CLSTN2: variants seen among roughly 807,000 people sequenced by gnomAD.
CLSTN2 encodes the protein calsyntenin 2, also known as calsyntenin-2.
Under a neutral mutation model 101.2 loss-of-function variants are expected in CLSTN2, and 48 were observed. The observed-to-expected ratio is 0.47, with a 90% confidence interval of 0.38 to 0.60. The LOEUF (loss-of-function observed/expected upper bound fraction) is 0.60, where lower values mean the gene tolerates loss of function less well. CLSTN2 is among the 20% of genes least tolerant of loss of function. CLSTN2 has a pLI of 0.00. For synonymous variants in CLSTN2, 481 were observed against 463.6 expected (o/e 1.04, Z -0.48); for missense variants, 1,160 against 1,238.2 (o/e 0.94, Z 0.95).
At position 139,951,847 on chromosome 3, in the gene CLSTN2, A is replaced by G. The variant is rs541726606; in HGVS notation, c.109+16364A>G. Among the ~76,000 whole-genome samples, 18 of 152,308 alleles carry G rather than the reference A, an allele frequency of 1.2e-4. No homozygotes were observed. In the South Asian group the frequency reaches 3.5e-3, roughly 30 times the overall value. ...CTGGCTAGAGTGTTTATTAAGGTCAATACTGATATTTCAGAGATAAAATGC... is the reference window on the plus strand; with the variant it reads ...CTGGCTAGAGTGTTTATTAAGGTCAGTACTGATATTTCAGAGATAAAATGC... On this transcript the variant is annotated intron_variant, in intron 1 of 16. Coordinates refer to ENST00000458420, the MANE Select transcript of CLSTN2 (RefSeq NM_022131.3).
intron 1 of CLSTN2, among the ~76,000 whole-genome samples, chr3:140,141,493 G>A (rs778184462): frequency 2.7e-4 from 41 of 152,196 alleles, no homozygotes; most frequent in Non-Finnish European, 5.6e-4. Flanking sequence ...AGTTATTATT[G>A]TTGAGTTTTT....
intron 1 of CLSTN2, among the ~76,000 whole-genome samples, chr3:140,090,715 A>G (rs1236585997): frequency 1.3e-5 from 2 of 152,156 alleles, no homozygotes; most frequent in Non-Finnish European, 2.9e-5. Flanking sequence ...GGAGGAAGTG[A>G]GGCTGACTGA....
chr3:140,466,521 C>T, intron 7 of CLSTN2, 89 bp from the exon 8 acceptor site: 1 of 1,520,184 alleles, frequency 6.6e-7, no homozygotes, highest in Non-Finnish European at 9.1e-7. Context: ...GTCCTCTGTG[C>T]TGTGCTAAGT....
intron 1 of CLSTN2, among the ~76,000 whole-genome samples, chr3:140,029,641 T>A (rs1240488228): frequency 2.6e-5 from 4 of 152,206 alleles, no homozygotes; most frequent in African/African-American, 9.6e-5. Context: ...TATCTGTATA[T>A]AAGAAATGCA....
intron 1 of CLSTN2, among the ~76,000 whole-genome samples, chr3:140,040,950 T>G (rs1269816423): frequency 6.6e-6 from 1 of 152,104 alleles, no homozygotes; most frequent in African/African-American, 2.4e-5. Context: ...GTCTTTGACA[T>G]CCAACTCATG....
intron 1 of CLSTN2, among the ~76,000 whole-genome samples, chr3:140,061,559 G>C (rs2008204849): frequency 6.6e-6 from 1 of 152,202 alleles, no homozygotes. Flanking sequence ...GTGGGAGGTG[G>C]AAGTCCCCTG....
chr3:140,282,913 A>C (rs2086861730), intron 2 of CLSTN2, among the ~76,000 whole-genome samples: 1 of 152,172 alleles, frequency 6.6e-6, no homozygotes, highest in African/African-American at 2.4e-5. Flanking sequence ...TTTCCATCGC[A>C]AAAGATCCCT....
intron 2 of CLSTN2, among the ~76,000 whole-genome samples, chr3:140,354,550 CA>C (rs1353659177): frequency 6.6e-6 from 1 of 152,164 alleles, no homozygotes; most frequent in African/African-American, 2.4e-5. Context: ...CTGTCTTTTA[CA>C]AAATCCTCCC....
chr3:140,036,006 C>T (rs541784540), intron 1 of CLSTN2, among the ~76,000 whole-genome samples: 130 of 152,336 alleles, frequency 8.5e-4, no homozygotes, highest in Admixed American at 9.8e-4. Flanking sequence ...GTCATGAGCT[C>T]ACAAAGTAGC....
At chr3:140,306,878 ATTAT>A (rs2087119056) in intron 2 of CLSTN2, among the ~76,000 whole-genome samples, 1 of 142,408 alleles carries the variant, frequency 7.0e-6, no homozygotes, top group East Asian at 2.0e-4. Flanking sequence ...TATTATTATT[ATTAT>A]TTATTTTTTC....
At chr3:140,209,652 C>T (rs2010830683) in intron 2 of CLSTN2, among the ~76,000 whole-genome samples, 1 of 152,090 alleles carries the variant, frequency 6.6e-6, no homozygotes, top group East Asian at 1.9e-4. Flanking sequence ...CTGCCTGAAC[C>T]TACAGTTCCC....
At chr3:140,069,925 TGAAAGTTAGG>T (rs2008362775) in intron 1 of CLSTN2, among the ~76,000 whole-genome samples, 1 of 152,184 alleles carries the variant, frequency 6.6e-6, no homozygotes, top group Non-Finnish European at 1.5e-5. Flanking sequence ...CACCTCAGCA[TGAAAGTTAGG>T]GAAAGTTGTT....
intron 5 of CLSTN2, among the ~76,000 whole-genome samples, chr3:140,430,257 A>C (rs986671635): frequency 2.0e-5 from 3 of 152,126 alleles, no homozygotes; most frequent in Non-Finnish European, 2.9e-5. Context: ...ATTTTAATAG[A>C]TAATCCCCCC....
chr3:140,486,779 G>A (rs1934248911), intron 8 of CLSTN2, among the ~76,000 whole-genome samples: 1 of 152,200 alleles, frequency 6.6e-6, no homozygotes, highest in Non-Finnish European at 1.5e-5. Context: ...CTGTAGAGGT[G>A]CGTGAATAAT....
At chr3:140,509,891 T>A (rs1323514989) in intron 8 of CLSTN2, among the ~76,000 whole-genome samples, 1 of 152,230 alleles carries the variant, frequency 6.6e-6, no homozygotes, top group Non-Finnish European at 1.5e-5. Flanking sequence ...GACTTTTTAA[T>A]ATAGATGCTC....
intron 10 of CLSTN2, among the ~76,000 whole-genome samples, chr3:140,549,439 G>A (rs1935666349): frequency 6.6e-6 from 1 of 151,492 alleles, no homozygotes; most frequent in Non-Finnish European, 1.5e-5. Flanking sequence ...CACTGCAAAT[G>A]ATCCTCTTCC....
chr3:140,237,927 T>A (rs956736111), intron 2 of CLSTN2, among the ~76,000 whole-genome samples: 1 of 152,204 alleles, frequency 6.6e-6, no homozygotes, highest in African/African-American at 2.4e-5. Context: ...GAAGTCATAA[T>A]CTCAACTTTA....
chr3:140,027,006 T>C (rs1451706047), intron 1 of CLSTN2, among the ~76,000 whole-genome samples: 1 of 152,228 alleles, frequency 6.6e-6, no homozygotes, highest in Non-Finnish European at 1.5e-5. Flanking sequence ...AATGGGAGCA[T>C]AGATTAGACT....
intron 1 of CLSTN2, among the ~76,000 whole-genome samples, chr3:140,075,792 G>C (rs1023844846): frequency 6.6e-6 from 1 of 152,064 alleles, no homozygotes; most frequent in African/African-American, 2.4e-5. Flanking sequence ...ACAGTCACTG[G>C]GGATGTGAAC....
Sources: gnomAD v4.1 joint callset for allele counts (sites outside exome capture counted in the v4.1 genomes callset) on GRCh38, gnomAD v4.1.1 for gene constraint, MANE v1.5 for transcripts, NCBI Gene and HGNC (gene_info 2026-07-23, HGNC 2026-07-21) for gene names.